The following POM121 variants were observed in gnomAD, a reference collection of about 807,000 sequenced individuals.
POM121 encodes POM121 transmembrane nucleoporin.
POM121 carries 32 observed loss-of-function variants against 81.3 expected under a neutral mutation model. The ratio of observed to expected loss-of-function variants is 0.39; its 90% CI spans 0.30 to 0.53. The LOEUF (loss-of-function observed/expected upper bound fraction) is 0.53, where lower values mean the gene tolerates loss of function less well. Ranked by LOEUF, POM121 falls within the 20% of genes least tolerant of loss-of-function variation. POM121 has a pLI of 0.66. For missense variants in POM121, 1,138 were observed against 1,614.6 expected (o/e 0.70, Z 5.06); for synonymous variants, 514 against 694.2 (o/e 0.74, Z 4.08).
intron 12 of POM121, 137 bp from the exon 13 acceptor site, chr7:72,946,000 G>A (rs1394749296): frequency 1.4e-6 from 2 of 1,449,420 alleles, no homozygotes; most frequent in Non-Finnish European, 1.8e-6. Context: ...CCCGTACAGT[G>A]TTTCTGATGC....
At chr7:72,902,357 G>T (rs1432331467) in intron 3 of POM121, among the ~76,000 whole-genome samples, 1 of 144,944 alleles carries the variant, frequency 6.9e-6, no homozygotes, top group Non-Finnish European at 1.5e-5. Flanking sequence ...CTGCCTCCTG[G>T]GTTCAAGCAA....
At chr7:72,902,090 C>T (rs1278113077) in intron 3 of POM121, among the ~76,000 whole-genome samples, 1 of 148,996 alleles carries the variant, frequency 6.7e-6, no homozygotes, top group African/African-American at 2.5e-5. Context: ...CAAGCTTAGG[C>T]AACAAGAGTG....
At chr7:72,912,561 A>C (rs562895247) in intron 3 of POM121, among the ~76,000 whole-genome samples, 66 of 152,132 alleles carry the variant, frequency 4.3e-4, no homozygotes, top group African/African-American at 1.4e-3. Context: ...TGGATCATGA[A>C]GTCAGGAGAT....
intron 4 of POM121, 37 bp from the exon 5 acceptor site, chr7:72,929,903 C>T (rs781840261): frequency 7.9e-6 from 12 of 1,519,590 alleles, no homozygotes; most frequent in Non-Finnish European, 5.3e-6. Flanking sequence ...AGAATTTTGC[C>T]TTCAATAAAG....
chr7:72,930,528 G>A (rs182434706), intron 5 of POM121, among the ~76,000 whole-genome samples: 7 of 152,368 alleles, frequency 4.6e-5, no homozygotes, highest in African/African-American at 1.7e-4. Context: ...AGGGTGATTC[G>A]AAAGGTAGAC....
rs1797613279 is a variant in POM121, at chr7:72,945,651, C to T, written c.3595C>T (p.Leu1199Phe). Residue 1199 changes from leucine (L) to phenylalanine (F), a missense_variant, in exon 12 of 13, where the codon CTC becomes TTC. By Grantham distance (22) the Leu-to-Phe change is conservative. Coordinates refer to ENST00000434423, the MANE Select transcript of POM121 (RefSeq NM_001387691.1). ...APGVGTSGSS[L>F]SFGASSAPAQ... is the part of the protein sequence containing the mutation. Reference sequence around the variant, plus strand: ...TGGAGTGGGCACATCAGGCAGCAGCCTCTCCTTTGGGGCATCCTCAGCACC... The same window carrying T: ...TGGAGTGGGCACATCAGGCAGCAGCTTCTCCTTTGGGGCATCCTCAGCACC... 6.2e-7 allele frequency: 1 copy of T among 1,613,030 alleles called. No homozygotes were observed. The highest frequency in any genetic ancestry group is 8.5e-7 in the Non-Finnish European group (1 of 1,179,494).
chr7:72,916,049 G>A (rs1341640279), intron 4 of POM121, among the ~76,000 whole-genome samples: 1 of 152,114 alleles, frequency 6.6e-6, no homozygotes, highest in Non-Finnish European at 1.5e-5. Context: ...GGATCTACAA[G>A]AATCTACAAG....
Position 72,928,366 on chromosome 7 carries a change from CTT to C in POM121, c.1023-14_1023-13del, listed in dbSNP as rs782278158. The C allele has an allele frequency of 7.5e-5, 121 of 1,613,986 alleles. No homozygotes were observed. Among genetic ancestry groups the C allele is most frequent in the Non-Finnish European group, 5.4e-5 (64 of 1,180,000 alleles). ...AAAAAGTCATGTCATTTCATTGAGACTTTTTTGATTTGTCGCAGGCGCCATGA... is the reference window on the plus strand; with the variant it reads ...AAAAAGTCATGTCATTTCATTGAGACTTTTGATTTGTCGCAGGCGCCATGA... On this transcript the variant is annotated splice_polypyrimidine_tract_variant and intron_variant, in intron 3 of 12. Coordinates refer to ENST00000434423, the MANE Select transcript of POM121 (RefSeq NM_001387691.1).
intron 4 of POM121, among the ~76,000 whole-genome samples, chr7:72,916,947 T>C (rs1430425679): frequency 6.6e-6 from 1 of 152,240 alleles, no homozygotes; most frequent in Non-Finnish European, 1.5e-5. Context: ...TAAGGGCTGA[T>C]TTCCATCAAT....
chr7:72,901,549 T>G (rs1283588878), intron 3 of POM121, among the ~76,000 whole-genome samples: 1 of 151,906 alleles, frequency 6.6e-6, no homozygotes, highest in Non-Finnish European at 1.5e-5. Flanking sequence ...GAGACGGAGT[T>G]TCACCATTTT....
rs542264790 is a variant in POM121 at position 72,935,550 on chromosome 7, G to A, written c.1276-3040G>A. ...TCTTTTTTATTAGATTTACAATCTC[G>A]GCTCACTGCAGCCTCCACCTGCTGG... On this transcript the variant is annotated intron_variant, in intron 5 of 12. Transcript: ENST00000434423. Among the ~76,000 whole-genome samples, 61 of 151,922 alleles carry A rather than the reference G, an allele frequency of 4.0e-4. No homozygotes were observed. In the South Asian group the frequency reaches 0.012, roughly 31 times the overall value.
chr7:72,879,799 C>T, exon 1 of POM121: 2 of 500,114 alleles, frequency 4.0e-6, no homozygotes, highest in Admixed American at 2.1e-5. Flanking sequence ...CGGGAGGGGA[C>T]TTCGCGAGCA....
At chr7:72,937,261 A>C (rs1336761726) in intron 5 of POM121, among the ~76,000 whole-genome samples, 1 of 152,064 alleles carries the variant, frequency 6.6e-6, no homozygotes, top group African/African-American at 2.4e-5. Context: ...CTCAAAAAAA[A>C]AAAAAGTTCC....
rs532890024 is a variant in POM121 at position 72,932,929 on chromosome 7, G to A, written c.1275+2818G>A. Among the ~76,000 whole-genome samples the A allele has an allele frequency of 8.1e-3, 1,223 of 151,758 alleles. 13 individuals carry two copies. The highest frequency in any genetic ancestry group is 0.029 in the African/African-American group (1,179 of 41,360). On this transcript the variant is annotated intron_variant, in intron 5 of 12. Transcript: ENST00000434423. Reference sequence around the variant, plus strand: ...TAGCTGGGCATGGTGGCACATGCCTGTAATCCCAGCTACTCAGGAGGCTGA... The same window carrying A: ...TAGCTGGGCATGGTGGCACATGCCTATAATCCCAGCTACTCAGGAGGCTGA...
Position 72,946,342 on chromosome 7 carries a change from G to T in POM121, c.*108G>T, listed in dbSNP as rs539993539. 2 of 1,464,022 alleles carry T rather than the reference G, an allele frequency of 1.4e-6. No individual in the cohort carries two copies. Among genetic ancestry groups the T allele is most frequent in the Non-Finnish European group, 1.8e-6 (2 of 1,104,822 alleles). 90.7% of individuals were successfully genotyped at this position (1,464,022 alleles called of 1,614,324 possible). ...CAGTTGCGTAAAGCAAACCTACCCC[G>T]GATCTCTGGCTTCAGCCGCCAGGGG... On this transcript the variant is annotated 3_prime_UTR_variant, in exon 13 of 13. Coordinates refer to ENST00000434423, the MANE Select transcript of POM121 (RefSeq NM_001387691.1).
chr7:72,885,105 C>T (rs1381007554), intron 1 of POM121, among the ~76,000 whole-genome samples: 1 of 152,144 alleles, frequency 6.6e-6, no homozygotes, highest in Non-Finnish European at 1.5e-5. Context: ...TTGAAGAATA[C>T]AGGCCAATGA....
chr7:72,913,602 A>G (rs1554494630), intron 3 of POM121, among the ~76,000 whole-genome samples: 1 of 152,106 alleles, frequency 6.6e-6, no homozygotes, highest in Admixed American at 6.6e-5. Flanking sequence ...TCTGGCATAG[A>G]AGACACGACC....
upstream of POM121, among the ~76,000 whole-genome samples, chr7:72,920,396 T>G (rs1794696532): frequency 2.0e-5 from 3 of 149,146 alleles, no homozygotes; most frequent in South Asian, 6.4e-4. Flanking sequence ...TCACCCAGGC[T>G]GGAGTGGAGT....
rs1375587165 is a variant in POM121, at chr7:72,894,588, A to G, written c.-216+3478A>G. 2.0e-5 allele frequency among the ~76,000 whole-genome samples: 3 copies of G among 150,238 alleles called. 1 individual carries two copies. Among genetic ancestry groups the G allele is most frequent in the African/African-American group, 7.5e-5 (3 of 40,122 alleles). On this transcript the variant is annotated intron_variant, in intron 3 of 15. Coordinates refer to the POM121 transcript ENST00000395270. ...AGTGAAACTTCATTAAAAAAAAAAA[A>G]AAACTCTTTCTAGAGAGAGAGAGAG...
Sources: allele counts gnomAD v4.1 joint callset (sites outside exome capture counted in the v4.1 genomes callset), GRCh38; gene constraint gnomAD v4.1.1; transcripts MANE v1.5; gene names NCBI Gene and HGNC (gene_info 2026-07-23, HGNC 2026-07-21).